The following DPPA2 variants were observed in gnomAD, a reference collection of about 807,000 sequenced individuals.
DPPA2 encodes the protein developmental pluripotency-associated protein 2.
A neutral mutation model predicts 36.2 loss-of-function variants in DPPA2; 26 were observed. The observed-to-expected ratio is 0.72, with a 90% CI of 0.53 to 1.00. The LOEUF is 1.00. Among genes scored for constraint, DPPA2 ranks in the 50% least tolerant of loss-of-function variants. DPPA2 has a pLI of 0.00. For synonymous variants in DPPA2, 113 were observed against 123.2 expected (o/e 0.92, Z 0.55); for missense variants, 361 against 365.1 (o/e 0.99, Z 0.09).
intron 5 of DPPA2, among the ~76,000 whole-genome samples, chr3:109,308,650 C>T (rs988001074): frequency 6.6e-6 from 1 of 152,226 alleles, no homozygotes; most frequent in African/African-American, 2.4e-5. Flanking sequence ...GCATGAGCCA[C>T]CACACCCGGC....
rs1231368386 is a variant in DPPA2, at chr3:109,304,461, T to A, written c.854+14A>T. The A allele has an allele frequency of 1.3e-6, 2 of 1,591,694 alleles. No individual in the cohort carries two copies. The highest frequency in any genetic ancestry group is 1.7e-6 in the Non-Finnish European group (2 of 1,169,968). ...TTTCTGTGTGCCATGCTTAACAAGATACATAAGGGTTACCTCTTAGCACAG... is the reference window on the plus strand; with the variant it reads ...TTTCTGTGTGCCATGCTTAACAAGAAACATAAGGGTTACCTCTTAGCACAG... On this transcript the variant is annotated intron_variant, in intron 7 of 8. Transcript: ENST00000478945.
chr3:109,312,524 G>A lies in DPPA2; in HGVS notation c.181+21C>T, dbSNP rs1318462025. The A allele has an allele frequency of 3.1e-6, 5 of 1,600,954 alleles. No homozygotes were observed. In the African/African-American group the frequency reaches 5.4e-5, roughly 17 times the overall value. ...CCCAGAGTTGTAGGAGTAACTAACT[G>A]AGCAATCCCTGTCCTCATACCTGGA... is the stretch of plus-strand genomic sequence containing the variant. On this transcript the variant is annotated intron_variant, in intron 3 of 8. Transcript: ENST00000478945.
intron 7 of DPPA2, among the ~76,000 whole-genome samples, 170 bp from the exon 8 acceptor site, chr3:109,300,605 T>A (rs1330654975): frequency 6.6e-6 from 1 of 151,988 alleles, no homozygotes; most frequent in African/African-American, 2.4e-5. Context: ...GCAGATCACC[T>A]GAGGTCAGGA....
chr3:109,308,112 G>C lies in DPPA2; in HGVS notation c.578C>G (p.Ala193Gly), dbSNP rs757981945. 2.5e-6 allele frequency: 4 copies of C among 1,614,202 alleles called. No homozygotes were observed. In the Admixed American group the frequency reaches 6.7e-5, roughly 27 times the overall value. The change falls in exon 6 of 9, where the codon GCT becomes GGT. Residue 193 changes from alanine (A) to glycine (G), a missense_variant. Physicochemically the swap from Ala to Gly is moderately conservative, Grantham distance 60. Transcript: ENST00000478945. Reference protein sequence around the residue: ...GAMLASWARIAARAVQPKALN... With the variant: ...GAMLASWARIGARAVQPKALN... Reference sequence around the variant, plus strand: ...AGCCTTAGGCTGAACAGCTCTTGCAGCAATTCTTGCCCATGATGCCAACAT... The same window carrying C: ...AGCCTTAGGCTGAACAGCTCTTGCACCAATTCTTGCCCATGATGCCAACAT...
chr3:109,300,291 T>G (rs1434442320), intron 8 of DPPA2, 80 bp downstream of exon 8: 4 of 1,160,638 alleles, frequency 3.4e-6, no homozygotes, highest in Non-Finnish European at 5.1e-6. Context: ...GGCAGAGAGT[T>G]TCTCTTGTAT....
At chr3:109,303,611 C>T (rs1014099904) in intron 7 of DPPA2, among the ~76,000 whole-genome samples, 15 of 151,274 alleles carry the variant, frequency 9.9e-5, no homozygotes, top group African/African-American at 2.9e-4. Context: ...TCAGGTGATC[C>T]GCCCGCCTCG....
intron 3 of DPPA2, among the ~76,000 whole-genome samples, chr3:109,310,846 G>A (rs562520774): frequency 6.6e-6 from 1 of 151,798 alleles, no homozygotes; most frequent in South Asian, 2.1e-4. Flanking sequence ...CTGTCACCTA[G>A]GCTGGAGTGC....
intron 8 of DPPA2, among the ~76,000 whole-genome samples, chr3:109,295,018 T>C (rs776208652): frequency 1.3e-5 from 2 of 152,108 alleles, no homozygotes; most frequent in Non-Finnish European, 2.9e-5. Context: ...CGAAACTCCA[T>C]CTCAAAACAA....
At chr3:109,305,315 A>C (rs1707537107) in intron 6 of DPPA2, among the ~76,000 whole-genome samples, 1 of 152,116 alleles carries the variant, frequency 6.6e-6, no homozygotes, top group Admixed American at 6.6e-5. Context: ...TTTTCTTATT[A>C]TTTCTTATTC....
intron 8 of DPPA2, among the ~76,000 whole-genome samples, chr3:109,296,440 T>G (rs2107298842): frequency 6.6e-6 from 1 of 152,334 alleles, no homozygotes; most frequent in Admixed American, 6.5e-5. Flanking sequence ...TTTGGGAGGC[T>G]AAGGCAGATG....
chr3:109,312,881 C>G (rs112237950), intron 2 of DPPA2, among the ~76,000 whole-genome samples, 189 bp from the exon 3 acceptor site: 1 of 152,050 alleles, frequency 6.6e-6, no homozygotes, highest in South Asian at 2.1e-4. Context: ...TGGAAAAAAA[C>G]GGGCAAAAGC....
At chr3:109,313,871 A>G (rs1302427488) in intron 2 of DPPA2, among the ~76,000 whole-genome samples, 1 of 152,160 alleles carries the variant, frequency 6.6e-6, no homozygotes, top group Non-Finnish European at 1.5e-5. Context: ...CAGCTATGTG[A>G]CTTCCCCATA....
At chr3:109,310,982 T>C (rs1707699667) in intron 3 of DPPA2, among the ~76,000 whole-genome samples, 1 of 151,890 alleles carries the variant, frequency 6.6e-6, no homozygotes, top group African/African-American at 2.4e-5. Flanking sequence ...TTGTATTTTT[T>C]GTAGAGACAG....
At chr3:109,307,402 G>C (rs1336189526) in intron 6 of DPPA2, among the ~76,000 whole-genome samples, 2 of 151,936 alleles carry the variant, frequency 1.3e-5, no homozygotes, top group Non-Finnish European at 1.5e-5. Context: ...AGGGGTTCGA[G>C]ACCAGCCTGG....
intron 7 of DPPA2, among the ~76,000 whole-genome samples, chr3:109,303,938 A>C (rs533119931): frequency 1.3e-5 from 2 of 151,550 alleles, no homozygotes; most frequent in East Asian, 4.0e-4. Context: ...GGAGCTTGAG[A>C]CCAGCCTGGC....
Position 109,304,464 on chromosome 3 carries a change from A to T in DPPA2, c.854+11T>A. On this transcript the variant is annotated intron_variant, in intron 7 of 8. Coordinates refer to ENST00000478945, the MANE Select transcript of DPPA2 (RefSeq NM_138815.4). ...CTGTGTGCCATGCTTAACAAGATAC[A>T]TAAGGGTTACCTCTTAGCACAGTCG... 1 of 1,600,820 alleles carries T rather than the reference A, an allele frequency of 6.2e-7. No individual in the cohort carries two copies. The highest frequency in any genetic ancestry group is 8.5e-7 in the Non-Finnish European group (1 of 1,174,182).
intron 8 of DPPA2, among the ~76,000 whole-genome samples, 171 bp downstream of exon 8, chr3:109,300,200 G>A (rs924784685): frequency 2.0e-5 from 3 of 152,108 alleles, no homozygotes; most frequent in South Asian, 2.1e-4. Context: ...CTACAGACGC[G>A]CCACCATTTG....
At chr3:109,307,050 C>T (rs1005032418) in intron 6 of DPPA2, among the ~76,000 whole-genome samples, 12 of 151,668 alleles carry the variant, frequency 7.9e-5, no homozygotes, top group Non-Finnish European at 1.6e-4. Context: ...CTCACTGCAA[C>T]CTCTACCTTC....
intron 2 of DPPA2, 133 bp from the exon 3 acceptor site, chr3:109,312,825 A>C: frequency 8.6e-7 from 1 of 1,165,896 alleles, no homozygotes; most frequent in South Asian, 1.8e-5. Flanking sequence ...TGGGATTCCT[A>C]GAATGTGATG....
Sources: allele counts gnomAD v4.1 joint callset (sites outside exome capture counted in the v4.1 genomes callset), GRCh38; gene constraint gnomAD v4.1.1; transcripts MANE v1.5; gene names NCBI Gene and HGNC (gene_info 2026-07-23, HGNC 2026-07-21).